The following DHX36 variants were observed in gnomAD, a reference collection of about 807,000 sequenced individuals.
DHX36 encodes ATP-dependent DNA/RNA helicase DHX36.
DHX36 carries 50 observed loss-of-function variants against 139.0 expected under a neutral mutation model. That is an observed-to-expected ratio of 0.36 (90% CI 0.29 to 0.46). The LOEUF is 0.46. Among genes scored for constraint, DHX36 ranks in the 20% least tolerant of loss-of-function variants. The pLI is 1.00. For missense variants in DHX36, 1,024 were observed against 1,211.3 expected (o/e 0.85, Z 2.29); for synonymous variants, 425 against 401.9 (o/e 1.06, Z -0.69).
rs1464441323 is a variant in DHX36 at position 154,289,632 on chromosome 3, A to G, written c.1932+77T>C. On this transcript the variant is annotated intron_variant, in intron 16 of 24. Coordinates refer to ENST00000496811, the MANE Select transcript of DHX36 (RefSeq NM_020865.3). The stretch of plus-strand genomic sequence containing the variant: ...TAATAATTGTTTCTTGGAGATTAAT[A>G]CAGTACTTTGTTCTACAAAAGATGT... The G allele has an allele frequency of 1.8e-5, 15 of 852,450 alleles. No individual in the cohort carries two copies. The Admixed American group carries it at 2.9e-4, about 16-fold the overall frequency. The allele number at this position is 852,450 out of a possible 1,614,324, so 52.8% of individuals were successfully genotyped here.
rs1348969073 is a variant in DHX36, at chr3:154,288,108, A to C, written c.2031+758T>G. 2.8e-5 allele frequency among the ~76,000 whole-genome samples: 4 copies of C among 143,104 alleles called. No individual in the cohort carries two copies. The East Asian group carries it at 8.4e-4, about 30-fold the overall frequency. 93.9% of individuals were successfully genotyped at this position (143,104 alleles called of 152,430 possible). A position where few individuals can be genotyped will look rare whatever the true frequency, so the allele number is the denominator to read the frequency against. On this transcript the variant is annotated intron_variant, in intron 17 of 24. Coordinates refer to ENST00000496811, the MANE Select transcript of DHX36 (RefSeq NM_020865.3). Reference sequence around the variant, plus strand: ...GGTTGCAGTGATCTGAGATCATGCCAGTATACTCCAGCCTGGGTGACAAAG... The same window carrying C: ...GGTTGCAGTGATCTGAGATCATGCCCGTATACTCCAGCCTGGGTGACAAAG...
At chr3:154,305,219 T>C (rs766096882) in intron 6 of DHX36, 51 bp from the exon 7 acceptor site, 2 of 1,457,752 alleles carry the variant, frequency 1.4e-6, no homozygotes, top group South Asian at 1.2e-5. Context: ...CTTCTAATAA[T>C]TAACTACCAC....
chr3:154,282,044 T>C (rs1719349703), intron 20 of DHX36, among the ~76,000 whole-genome samples: 1 of 152,158 alleles, frequency 6.6e-6, no homozygotes, highest in Admixed American at 6.5e-5. Flanking sequence ...CCTGAATTCA[T>C]ATCCTGACTG....
chr3:154,280,743 C>T lies in DHX36; in HGVS notation c.2476+20G>A. On this transcript the variant is annotated intron_variant, in intron 21 of 24. Transcript: ENST00000496811. ...ACAATAGACAAAAGATACTTATTTA[C>T]ACTGTGTTTCCTGCTGTACCTGAAT... The T allele has an allele frequency of 1.9e-6, 3 of 1,608,516 alleles. No homozygotes were observed. Among genetic ancestry groups the T allele is most frequent in the African/African-American group, 1.3e-5 (1 of 74,898 alleles).
At chr3:154,318,173 G>A (rs1053440304) in intron 1 of DHX36, among the ~76,000 whole-genome samples, 6 of 152,082 alleles carry the variant, frequency 3.9e-5, no homozygotes, top group African/African-American at 1.4e-4. Flanking sequence ...ATAACCTAAT[G>A]TAATAAATAT....
intron 12 of DHX36, 67 bp from the exon 13 acceptor site, chr3:154,295,406 A>C: frequency 1.4e-6 from 1 of 732,588 alleles, no homozygotes; most frequent in South Asian, 2.0e-5. Flanking sequence ...AACACATATG[A>C]GACAATGAAT....
In DHX36 at chr3:154,301,112, T is replaced by C. The variant is rs766969653; in HGVS notation, c.1233A>G (p.Gln411=). 5 of 1,602,476 alleles carry C rather than the reference T, an allele frequency of 3.1e-6. No homozygotes were observed. The South Asian group carries it at 5.7e-5, about 18-fold the overall frequency. ...VIEKIRYVPE[Q]KEHRSQFKRG... ...TCTTAAACTGGGATCTGTGTTCTTT[T>C]TGTTCTGGAACATACCTAAAATAAA... The change falls in exon 10 of 25, where the codon CAA becomes CAG. Residue 411 remains glutamine, a synonymous_variant. Coordinates refer to ENST00000496811, the MANE Select transcript of DHX36 (RefSeq NM_020865.3).
intron 3 of DHX36, among the ~76,000 whole-genome samples, chr3:154,312,898 T>TAA (rs1712828405): frequency 1.1e-4 from 8 of 71,090 alleles, no homozygotes; most frequent in South Asian, 9.9e-4. Context: ...TATATATATA[T>TAA]ATAAAATAAA....
rs534090580 is a variant in DHX36 at position 154,298,694 on chromosome 3, T to G, written c.1549+1144A>C. ...CACTTGGGAGGCCGAGGCAGGCAGATCACAAGGTCAGGAGATCAAGACCAT... is the reference window on the plus strand; with the variant it reads ...CACTTGGGAGGCCGAGGCAGGCAGAGCACAAGGTCAGGAGATCAAGACCAT... On this transcript the variant is annotated intron_variant, in intron 12 of 24. Transcript: ENST00000496811. 3.0e-3 allele frequency among the ~76,000 whole-genome samples: 450 copies of G among 151,476 alleles called. 4 individuals are homozygous for G. The highest frequency in any genetic ancestry group is 0.01 in the African/African-American group (429 of 41,278).
Position 154,276,376 on chromosome 3 carries a change from A to T in DHX36, c.2842-20T>A, listed in dbSNP as rs1157920444. On this transcript the variant is annotated intron_variant, in intron 24 of 24. Coordinates refer to ENST00000496811, the MANE Select transcript of DHX36 (RefSeq NM_020865.3). Reference sequence around the variant, plus strand: ...TAATTCCTAAGGTTGGAAAAATTATACATGTTCAACAAAGGCAGATATATT... The same window carrying T: ...TAATTCCTAAGGTTGGAAAAATTATTCATGTTCAACAAAGGCAGATATATT... 6.3e-7 allele frequency: 1 copy of T among 1,594,312 alleles called. No individual in the cohort carries two copies. The highest frequency in any genetic ancestry group is 2.2e-5 in the East Asian group (1 of 44,784).
intron 15 of DHX36, among the ~76,000 whole-genome samples, chr3:154,290,722 G>A (rs1258218189): frequency 6.6e-6 from 1 of 151,432 alleles, no homozygotes; most frequent in Non-Finnish European, 1.5e-5. Context: ...GGCTCTTGCT[G>A]CTATAGGAAC....
chr3:154,276,331 A>C lies in DHX36; in HGVS notation c.2867T>G (p.Leu956Arg). The C allele has an allele frequency of 6.2e-7, 1 of 1,613,020 alleles. No individual in the cohort carries two copies. Among genetic ancestry groups the C allele is most frequent in the Non-Finnish European group, 8.5e-7 (1 of 1,179,796 alleles). Residue 956 changes from leucine to arginine, a missense_variant, in exon 25 of 25, where the codon CTT becomes CGT. Leu to Arg is a moderately radical substitution (Grantham distance 102). This residue lies in a region of DHX36 where 470 missense variants were observed against 616.2 expected (regional missense o/e 0.76). Transcript: ENST00000496811. ...AGGACTTTCAATCTTCTCTTGCAGA[A>C]GAATATCTAGTTCCTTTCTTAATTC... ...VKELRKELDI[L>R]LQEKIESPHP...
At chr3:154,299,425 G>A (rs1053202150) in intron 12 of DHX36, among the ~76,000 whole-genome samples, 4 of 152,106 alleles carry the variant, frequency 2.6e-5, no homozygotes, top group Non-Finnish European at 2.9e-5. Flanking sequence ...TTCAAAATAT[G>A]CTGTTCATAC....
In DHX36 at chr3:154,306,199, A is replaced by T; in HGVS notation, c.893+17T>A. 6.3e-7 allele frequency: 1 copy of T among 1,585,778 alleles called. No individual in the cohort carries two copies. The stretch of plus-strand genomic sequence containing the variant: ...TCACTAAAATCTGCCTGTATATAAG[A>T]AGTGAACATTTCTTACCTCTGGAGA... On this transcript the variant is annotated intron_variant, in intron 6 of 24. Transcript: ENST00000496811.
intron 8 of DHX36, among the ~76,000 whole-genome samples, chr3:154,303,843 TA>T (rs1712394982): frequency 6.6e-6 from 1 of 152,150 alleles, no homozygotes; most frequent in African/African-American, 2.4e-5. Context: ...AAACAAAACC[TA>T]AACAAATAGA....
chr3:154,281,587 AGAAAG>A, intron 20 of DHX36, among the ~76,000 whole-genome samples: 1 of 152,186 alleles, frequency 6.6e-6, no homozygotes, highest in South Asian at 2.1e-4. Context: ...AAAGTTAAAT[AGAAAG>A]GAAAGTGAAT....
rs1055956343 is a variant in DHX36, at chr3:154,272,651, C to T, written c.*3520G>A. The T allele has an allele frequency of 1.3e-5, 2 of 151,640 alleles. No homozygotes were observed. The highest frequency in any genetic ancestry group is 2.9e-5 in the Non-Finnish European group (2 of 67,924). The allele number at this position is 151,640 out of a possible 1,614,324, so 9.4% of individuals were successfully genotyped here. A position where few individuals can be genotyped will look rare whatever the true frequency, so the allele number is the denominator to read the frequency against. On this transcript the variant is annotated 3_prime_UTR_variant, in exon 25 of 25. Transcript: ENST00000496811. ...AATGGAACAATGGTAACATGATTTA[C>T]TTTGCTACATTTCCAAATATTGTCC...
At chr3:154,294,774 A>G (rs1366679241) in intron 13 of DHX36, among the ~76,000 whole-genome samples, 1 of 152,228 alleles carries the variant, frequency 6.6e-6, no homozygotes, top group Non-Finnish European at 1.5e-5. Context: ...ACTGTAGATC[A>G]TAACATTATC....
At chr3:154,305,419 C>A (rs1233354692) in intron 6 of DHX36, 1 of 341,896 alleles carries the variant, frequency 2.9e-6, no homozygotes, top group African/African-American at 2.2e-5. Context: ...CACATTCAGA[C>A]AACAACTGAA....
Sources: allele counts gnomAD v4.1 joint callset (sites outside exome capture counted in the v4.1 genomes callset), GRCh38; gene constraint gnomAD v4.1.1; regional missense constraint gnomAD v4.1.1; transcripts MANE v1.5; gene names NCBI Gene and HGNC (gene_info 2026-07-23, HGNC 2026-07-21).